The following RASGRF2 variants were observed in gnomAD, a reference collection of about 807,000 sequenced individuals.
RASGRF2 encodes the protein Ras protein specific guanine nucleotide releasing factor 2.
A neutral mutation model predicts 151.0 loss-of-function variants in RASGRF2; 76 were observed. The observed-to-expected ratio is 0.50, with a 90% CI of 0.42 to 0.61. The LOEUF is 0.61. RASGRF2 is among the 20% of genes least tolerant of loss of function. The probability of loss-of-function intolerance (pLI) is 0.00; values close to 1 mark genes in which losing one functional copy is unlikely to be tolerated. For missense variants in RASGRF2, 1,148 were observed against 1,564.6 expected (o/e 0.73, Z 4.49); for synonymous variants, 504 against 566.5 (o/e 0.89, Z 1.57).
intron 12 of RASGRF2, among the ~76,000 whole-genome samples, chr5:81,106,399 C>T (rs147228610): frequency 1.7e-3 from 257 of 152,232 alleles, no homozygotes; most frequent in African/African-American, 5.9e-3. Context: ...CCCCTCGTTT[C>T]CATTGAACGA....
At chr5:81,139,499 T>C (rs141918786) in intron 17 of RASGRF2, among the ~76,000 whole-genome samples, 113 of 151,794 alleles carry the variant, frequency 7.4e-4, no homozygotes, top group East Asian at 5.4e-3. Flanking sequence ...TAGCTAGGAT[T>C]ACAGGCAGCT....
chr5:81,212,794 T>G (rs1755654944), intron 23 of RASGRF2, among the ~76,000 whole-genome samples: 1 of 152,202 alleles, frequency 6.6e-6, no homozygotes. Flanking sequence ...ACAAACAATG[T>G]GGTTGTCAGT....
intron 18 of RASGRF2, among the ~76,000 whole-genome samples, chr5:81,183,808 T>C (rs1471738158): frequency 6.6e-6 from 1 of 152,222 alleles, no homozygotes; most frequent in East Asian, 1.9e-4. Flanking sequence ...TTTCCTCTTC[T>C]GAAAATGAGA....
rs552093322 is a variant in RASGRF2, at chr5:81,164,528, T to G, written c.2687-15647T>G. On this transcript the variant is annotated intron_variant, in intron 17 of 26. Transcript: ENST00000265080. ...AATTCATATTTATATTAACCAAATA[T>G]TTTGACTTGATTTGGCAGAAAATAT... Among the ~76,000 whole-genome samples, 37 of 152,300 alleles carry G rather than the reference T, an allele frequency of 2.4e-4. 1 individual carries two copies. In the South Asian group the frequency reaches 7.7e-3, roughly 32 times the overall value.
chr5:81,071,324 A>G (rs1580279582), intron 4 of RASGRF2, among the ~76,000 whole-genome samples: 1 of 152,140 alleles, frequency 6.6e-6, no homozygotes, highest in South Asian at 2.1e-4. Context: ...TTCCCCTTTC[A>G]CTGTAACAAA....
At chr5:81,100,197 G>A (rs995190384) in intron 12 of RASGRF2, among the ~76,000 whole-genome samples, 2 of 152,056 alleles carry the variant, frequency 1.3e-5, no homozygotes, top group Non-Finnish European at 2.9e-5. Context: ...GTGAGCCACC[G>A]CGCCCGGCCA....
chr5:81,146,302 G>A (rs1056456303), intron 17 of RASGRF2, among the ~76,000 whole-genome samples: 2 of 152,154 alleles, frequency 1.3e-5, no homozygotes, highest in Admixed American at 6.5e-5. Context: ...TGTAGCTATT[G>A]TCTGTGTGTA....
chr5:81,055,615 G>A (rs533237506), intron 2 of RASGRF2, among the ~76,000 whole-genome samples: 2 of 152,106 alleles, frequency 1.3e-5, no homozygotes, highest in African/African-American at 2.4e-5. Flanking sequence ...TCTCTGCCAG[G>A]CTTTGGTATC....
chr5:81,055,230 T>C (rs1450777234), intron 2 of RASGRF2, among the ~76,000 whole-genome samples: 1 of 152,166 alleles, frequency 6.6e-6, no homozygotes, highest in Admixed American at 6.5e-5. Context: ...TGCTTCCAGG[T>C]TTTGCCCATT....
chr5:81,223,502 G>T (rs534456527), intron 26 of RASGRF2: 1 of 152,148 alleles, frequency 6.6e-6, no homozygotes, highest in African/African-American at 2.4e-5. Context: ...TTAGCCGGGC[G>T]TGGTGGCTGG....
chr5:81,219,821 G>A (rs1251829089), intron 26 of RASGRF2, 43 bp downstream of exon 26: 5 of 1,448,922 alleles, frequency 3.5e-6, no homozygotes, highest in Non-Finnish European at 4.8e-6. Context: ...AGAAAAAAGG[G>A]GAAATTAATG....
At chr5:81,099,763 TTCTGTTTG>T (rs1752644575) in intron 12 of RASGRF2, among the ~76,000 whole-genome samples, 1 of 152,186 alleles carries the variant, frequency 6.6e-6, no homozygotes, top group African/African-American at 2.4e-5. Context: ...TTTCTACTAT[TTCTGTTTG>T]TCTTTTTATA....
intron 1 of RASGRF2, among the ~76,000 whole-genome samples, chr5:80,995,726 T>C (rs1748834263): frequency 7.8e-6 from 1 of 128,058 alleles, no homozygotes; most frequent in South Asian, 3.1e-4. Context: ...GGAGTCTCCG[T>C]CTGTCGCCCA....
intron 18 of RASGRF2, among the ~76,000 whole-genome samples, chr5:81,196,378 T>A (rs982965887): frequency 1.3e-5 from 2 of 152,240 alleles, no homozygotes; most frequent in Non-Finnish European, 2.9e-5. Context: ...TACTCCACTA[T>A]CAGAGATTCT....
chr5:81,093,538 A>G (rs1752452269), intron 10 of RASGRF2, among the ~76,000 whole-genome samples: 1 of 152,156 alleles, frequency 6.6e-6, no homozygotes, highest in Admixed American at 6.5e-5. Context: ...CAGCTTCCCA[A>G]GCTGCTGGGA....
At chr5:81,213,155 A>T (rs1755661520) in intron 23 of RASGRF2, among the ~76,000 whole-genome samples, 1 of 151,970 alleles carries the variant, frequency 6.6e-6, no homozygotes, top group Non-Finnish European at 1.5e-5. Flanking sequence ...GGTGCCTTGG[A>T]GGGCATCTCT....
intron 17 of RASGRF2, among the ~76,000 whole-genome samples, chr5:81,158,558 A>G (rs1186560657): frequency 6.6e-6 from 1 of 152,184 alleles, no homozygotes; most frequent in Non-Finnish European, 1.5e-5. Context: ...CAAATCATAC[A>G]TCTGATAAGG....
At chr5:81,082,090 C>T (rs27948) in intron 7 of RASGRF2, among the ~76,000 whole-genome samples, 98 of 151,978 alleles carry the variant, frequency 6.4e-4, no homozygotes, top group African/African-American at 2.1e-3. Context: ...GTATCTGTTC[C>T]GTAACCCCAA....
chr5:81,053,251 A>T (rs1334407841), intron 2 of RASGRF2, among the ~76,000 whole-genome samples: 1 of 148,534 alleles, frequency 6.7e-6, no homozygotes, highest in Non-Finnish European at 1.5e-5. Flanking sequence ...CATTAGGTAT[A>T]TCTCCTAATG....
Sources: allele counts gnomAD v4.1 joint callset (sites outside exome capture counted in the v4.1 genomes callset), GRCh38; gene constraint gnomAD v4.1.1; transcripts MANE v1.5; gene names NCBI Gene and HGNC (gene_info 2026-07-23, HGNC 2026-07-21).